ST6GALNAC2: variants seen among roughly 807,000 people sequenced by gnomAD.
The protein encoded by ST6GALNAC2 is alpha-N-acetylgalactosaminide alpha-2,6-sialyltransferase 2.
Under a neutral mutation model 38.7 loss-of-function variants are expected in ST6GALNAC2, and 42 were observed. The ratio of observed to expected loss-of-function variants is 1.09; its 90% CI spans 0.85 to 1.40. The LOEUF is 1.40. Among genes scored for constraint, ST6GALNAC2 ranks in the 40% most tolerant of loss-of-function variants. The probability of loss-of-function intolerance (pLI) is 0.00; values close to 1 mark genes in which losing one functional copy is unlikely to be tolerated. For synonymous variants in ST6GALNAC2, 233 were observed against 209.0 expected (o/e 1.11, Z -0.99); for missense variants, 506 against 481.7 (o/e 1.05, Z -0.47).
Position 76,570,571 on chromosome 17 carries a change from C to T in ST6GALNAC2, c.767G>A (p.Gly256Glu). The T allele has an allele frequency of 6.2e-7, 1 of 1,610,386 alleles. No homozygotes were observed. Among genetic ancestry groups the T allele is most frequent in the Non-Finnish European group, 8.5e-7 (1 of 1,178,226 alleles). The change falls in exon 6 of 9, where the codon GGG becomes GAG. Residue 256 changes from glycine (G) to glutamate (E), a missense_variant. Gly to Glu is a moderately conservative substitution (Grantham distance 98, BLOSUM62 -2). Transcript: ENST00000225276. ...GVPVPEGLDK[G>E]DRPHAYFGPE... ...CCACGGCCTGGCTGCTCACCTGTCC[C>T]CTTTATCTAGGCCCTCAGGGACAGG...
rs1463189654 is a variant in ST6GALNAC2 at position 76,566,255 on chromosome 17, A to C, written c.974T>G (p.Phe325Cys). 1 of 1,614,012 alleles carries C rather than the reference A, an allele frequency of 6.2e-7. No homozygotes were observed. Among genetic ancestry groups the C allele is most frequent in the East Asian group, 2.2e-5 (1 of 44,906 alleles). ...HTCDQVSAYG[F>C]ITSNYWKFSD... ...AAATTTCCAGTAGTTGCTTGTGATG[A>C]ATCCATAGGCACTGACCTGGGCAAG... The change falls in exon 9 of 9, where the codon TTC (phenylalanine) becomes TGC (cysteine). Residue 325 changes from phenylalanine to cysteine, a missense_variant. Physicochemically the swap from Phe to Cys is radical, Grantham distance 205. Coordinates refer to ENST00000225276, the MANE Select transcript of ST6GALNAC2 (RefSeq NM_006456.3).
Position 76,573,397 on chromosome 17 carries a change from G to A in ST6GALNAC2, c.362-34C>T. 2 of 1,479,954 alleles carry A rather than the reference G, an allele frequency of 1.4e-6. No individual in the cohort carries two copies. Among genetic ancestry groups the A allele is most frequent in the Non-Finnish European group, 1.8e-6 (2 of 1,112,388 alleles). The allele number at this position is 1,479,954 out of a possible 1,614,324, so 91.7% of individuals were successfully genotyped here. On this transcript the variant is annotated intron_variant, in intron 3 of 8. Transcript: ENST00000225276. This position sits in a 1 kb window ranked among gnomAD's most constrained non-coding sequence, Gnocchi z 5.1. ...GCAGATGGGGAGCAGCCATGAGGAG[G>A]GCTGGCATCGGGGGCACCTGGGGCC... is the stretch of plus-strand genomic sequence containing the variant.
At chr17:76,578,635 A>G in intron 2 of ST6GALNAC2, 121 bp downstream of exon 2, 2 of 894,018 alleles carry the variant, frequency 2.2e-6, no homozygotes. Flanking sequence ...GCTGTAACTT[A>G]GGGCGTTCCA....
At chr17:76,567,733 G>T (rs2075302803) in intron 7 of ST6GALNAC2, 181 bp from the exon 8 acceptor site, 2 of 537,790 alleles carry the variant, frequency 3.7e-6, no homozygotes, top group East Asian at 6.2e-5. Flanking sequence ...AAGGTTGGGG[G>T]AGGGGGTGGT....
At chr17:76,581,789 G>A (rs1462779679) in intron 1 of ST6GALNAC2, among the ~76,000 whole-genome samples, 1 of 152,182 alleles carries the variant, frequency 6.6e-6, no homozygotes, top group African/African-American at 2.4e-5. Flanking sequence ...ACCAGCCTGA[G>A]GAGGTATACA....
Position 76,567,443 on chromosome 17 carries a change from G to A in ST6GALNAC2, c.957+10C>T, listed in dbSNP as rs781328035. On this transcript the variant is annotated intron_variant, in intron 8 of 8. Coordinates refer to ENST00000225276, the MANE Select transcript of ST6GALNAC2 (RefSeq NM_006456.3). Reference sequence around the variant, plus strand: ...GCCGGCATGGGCTTCTGGAAGAGAAGGCCTCTTACCTGGTCACAGGTATGC... The same window carrying A: ...GCCGGCATGGGCTTCTGGAAGAGAAAGCCTCTTACCTGGTCACAGGTATGC... 2 of 1,601,548 alleles carry A rather than the reference G, an allele frequency of 1.2e-6. No homozygotes were observed. The highest frequency in any genetic ancestry group is 1.1e-5 in the South Asian group (1 of 90,764).
intron 1 of ST6GALNAC2, among the ~76,000 whole-genome samples, chr17:76,584,706 G>A (rs921833155): frequency 6.6e-6 from 1 of 152,172 alleles, no homozygotes. Flanking sequence ...ACATTGTTCT[G>A]CAACTTTTGG....
In ST6GALNAC2 at chr17:76,573,076, G is replaced by A; in HGVS notation, c.530+119C>T. 1.8e-6 allele frequency: 2 copies of A among 1,135,716 alleles called. No homozygotes were observed. The highest frequency in any genetic ancestry group is 2.5e-5 in the Admixed American group (1 of 40,426). 70.4% of individuals were successfully genotyped at this position (1,135,716 alleles called of 1,614,324 possible). A position where few individuals can be genotyped will look rare whatever the true frequency, so the allele number is the denominator to read the frequency against. On this transcript the variant is annotated intron_variant, in intron 4 of 8. Coordinates refer to ENST00000225276, the MANE Select transcript of ST6GALNAC2 (RefSeq NM_006456.3). This position sits in a 1 kb window ranked among gnomAD's most constrained non-coding sequence, Gnocchi z 5.1. ...TTTGCCTTGTCCATGCCCGTGTGCT[G>A]GTCACAACTGCTGAGCCGCCCAGGC... is the stretch of plus-strand genomic sequence containing the variant.
At position 76,567,505 on chromosome 17, in the gene ST6GALNAC2, A is replaced by G. The variant is rs763693330; in HGVS notation, c.905T>C (p.Met302Thr). 6 of 1,613,910 alleles carry G rather than the reference A, an allele frequency of 3.7e-6. No homozygotes were observed. In the East Asian group the frequency reaches 1.3e-4, roughly 36 times the overall value. The change falls in exon 8 of 9, where the codon ATG (methionine) becomes ACG (threonine). Residue 302 changes from methionine (M) to threonine (T), a missense_variant. By Grantham distance (81) the Met-to-Thr change is moderately conservative. Transcript: ENST00000225276. The part of the protein sequence containing the change: ...LINTHFGDLY[M>T]PSTGALMLLT... ...CAGCATGAGAGCCCCGGTACTAGGCATATATAGGTCTCCAAAATGTGTGTT... is the reference window on the plus strand; with the variant it reads ...CAGCATGAGAGCCCCGGTACTAGGCGTATATAGGTCTCCAAAATGTGTGTT...
Position 76,568,800 on chromosome 17 carries a change from G to A in ST6GALNAC2, c.774-4C>T, listed in dbSNP as rs767996277. The A allele has an allele frequency of 6.2e-7, 1 of 1,613,082 alleles. No individual in the cohort carries two copies. The highest frequency in any genetic ancestry group is 8.5e-7 in the Non-Finnish European group (1 of 1,179,902). Reference sequence around the variant, plus strand: ...TGGTCCAAAATAGGCGTGCGGCCTAGGACCCATGATAGAAGTGGACAGAGC... The same window carrying A: ...TGGTCCAAAATAGGCGTGCGGCCTAAGACCCATGATAGAAGTGGACAGAGC... On this transcript the variant is annotated splice_polypyrimidine_tract_variant and splice_region_variant and intron_variant, in intron 6 of 8. Transcript: ENST00000225276.
Position 76,574,548 on chromosome 17 carries a change from G to T in ST6GALNAC2, c.187-9C>A. 3.0e-6 allele frequency: 4 copies of T among 1,348,660 alleles called. No homozygotes were observed. Among genetic ancestry groups the T allele is most frequent in the Non-Finnish European group, 4.0e-6 (4 of 1,009,524 alleles). 83.5% of individuals were successfully genotyped at this position (1,348,660 alleles called of 1,614,324 possible). ...TGTCGGCAGGCCTGGCCCTGTGGGT[G>T]AGAAGGTGAGGGCTGAGCCCCGTTA... On this transcript the variant is annotated splice_polypyrimidine_tract_variant and intron_variant, in intron 2 of 8. Transcript: ENST00000225276.
Position 76,566,243 on chromosome 17 carries a change from T to A in ST6GALNAC2, c.986A>T (p.Asn329Ile). The change falls in exon 9 of 9, where the codon AAC (asparagine) becomes ATC (isoleucine). Residue 329 changes from asparagine (N) to isoleucine (I), a missense_variant. Transcript: ENST00000225276. Reference protein sequence around the residue: ...QVSAYGFITSNYWKFSDHYFE... With the variant: ...QVSAYGFITSIYWKFSDHYFE... ...ATAGTGGTCGGAAAATTTCCAGTAG[T>A]TGCTTGTGATGAATCCATAGGCACT... 1 of 1,614,124 alleles carries A rather than the reference T, an allele frequency of 6.2e-7. No homozygotes were observed. Among genetic ancestry groups the A allele is most frequent in the Non-Finnish European group, 8.5e-7 (1 of 1,180,024 alleles).
intron 4 of ST6GALNAC2, 106 bp from the exon 5 acceptor site, chr17:76,572,881 A>G: frequency 1.4e-6 from 2 of 1,380,774 alleles, no homozygotes; most frequent in Non-Finnish European, 2.0e-6. Context: ...CTGTATGACC[A>G]CTCCTTCTGC....
intron 6 of ST6GALNAC2, 175 bp from the exon 7 acceptor site, chr17:76,568,971 C>T: frequency 3.3e-6 from 2 of 606,596 alleles, no homozygotes; most frequent in South Asian, 3.9e-5. Flanking sequence ...CGTTGGGGAC[C>T]ACGTGCGGCT....
chr17:76,585,763 T>C lies in ST6GALNAC2; in HGVS notation c.46A>G (p.Thr16Ala), dbSNP rs758415513. The change falls in exon 1 of 9, where the codon ACG becomes GCG. Residue 16 changes from threonine (T) to alanine (A), a missense_variant. Coordinates refer to ENST00000225276, the MANE Select transcript of ST6GALNAC2 (RefSeq NM_006456.3). ...AAGAGGAGCCCCGAGCAGGCAGCCG[T>C]GAGCAGGAGCAGCAGCCAGAAGAAC... ...GSFFWLLLLL[T>A]AACSGLLFAL... 7.7e-6 allele frequency: 12 copies of C among 1,553,528 alleles called. No homozygotes were observed. The highest frequency in any genetic ancestry group is 3.5e-5 in the South Asian group (3 of 84,524).
chr17:76,569,667 G>A lies in ST6GALNAC2; in HGVS notation c.774-871C>T, dbSNP rs539716157. 739 of 398,714 alleles carry A rather than the reference G, an allele frequency of 1.9e-3. 5 individuals carry two copies. Among genetic ancestry groups the A allele is most frequent in the African/African-American group, 0.014 (676 of 48,614 alleles). The allele number at this position is 398,714 out of a possible 1,614,324, so 24.7% of individuals were successfully genotyped here. A position where few individuals can be genotyped will look rare whatever the true frequency, so the allele number is the denominator to read the frequency against. ...AGCTCATTGGTGTTGGGGAGGCTTA[G>A]GTCCACCCGATGTCTCTGAGGCAGC... On this transcript the variant is annotated intron_variant, in intron 6 of 8. Transcript: ENST00000225276.
At position 76,568,722 on chromosome 17, in the gene ST6GALNAC2, A is replaced by T. The variant is rs753281782; in HGVS notation, c.848T>A (p.Leu283Gln). 2 of 1,613,752 alleles carry T rather than the reference A, an allele frequency of 1.2e-6. No homozygotes were observed. The highest frequency in any genetic ancestry group is 3.3e-5 in the Admixed American group (2 of 59,996). Residue 283 changes from leucine (L) to glutamine (Q), a missense_variant, in exon 7 of 9, where the codon CTG becomes CAG. By Grantham distance (113) the Leu-to-Gln change is moderately radical. Coordinates refer to ENST00000225276, the MANE Select transcript of ST6GALNAC2 (RefSeq NM_006456.3). ...GCACCCCACTCCGTACCTTTCTGTC[A>T]GGTAGCTGATGAAGTCCGGATGTAG... ...KLLHPDFISYLTERFLKSKLI... is the reference protein window; with the variant it reads ...KLLHPDFISYQTERFLKSKLI...
intron 2 of ST6GALNAC2, among the ~76,000 whole-genome samples, chr17:76,576,231 A>G (rs1390749076): frequency 1.3e-5 from 2 of 152,204 alleles, no homozygotes; most frequent in African/African-American, 4.8e-5. Context: ...CAACAGAGTG[A>G]GACCCCATCT....
chr17:76,568,849 G>A lies in ST6GALNAC2; in HGVS notation c.774-53C>T, dbSNP rs769217516. 5 of 1,586,702 alleles carry A rather than the reference G, an allele frequency of 3.2e-6. No homozygotes were observed. In the African/African-American group the frequency reaches 5.4e-5, roughly 17 times the overall value. The stretch of plus-strand genomic sequence containing the variant: ...GCGCCCAGAGCCGTCGTATTGCAAG[G>A]GGGAGATGGAGGGGAGGGTCAGGGC... On this transcript the variant is annotated intron_variant, in intron 6 of 8. Transcript: ENST00000225276.
Sources: allele counts gnomAD v4.1 joint callset (sites outside exome capture counted in the v4.1 genomes callset), GRCh38; gene constraint gnomAD v4.1.1; non-coding constraint Gnocchi (gnomAD v3.1); transcripts MANE v1.5; gene names NCBI Gene and HGNC (gene_info 2026-07-23, HGNC 2026-07-21).